The following ZFP41 variants were observed in gnomAD, a reference collection of about 807,000 sequenced individuals.
ZFP41 encodes ZFP41 zinc finger protein.
In ZFP41, 10 loss-of-function variants were observed where a neutral mutation model predicts 11.6. That is an observed-to-expected ratio of 0.86 (90% confidence interval 0.53 to 1.47). The LOEUF is 1.47. Ranked by LOEUF, ZFP41 falls within the 40% of genes most tolerant of loss-of-function variation. The probability of loss-of-function intolerance (pLI) is 0.00; values close to 1 mark genes in which losing one functional copy is unlikely to be tolerated. For missense variants in ZFP41, 302 were observed against 264.6 expected, an observed-to-expected ratio of 1.14 and a Z score of -0.98; for synonymous variants, 123 against 100.9, an observed-to-expected ratio of 1.22 and a Z score of -1.31.
At chr8:143,249,035 C>T (rs924804088) in intron 1 of ZFP41, 1 of 152,246 alleles carries the variant, frequency 6.6e-6, no homozygotes, top group East Asian at 1.9e-4. Flanking sequence ...TGCATATCAG[C>T]TCCACTTTCT....
intron 1 of ZFP41, 184 bp downstream of exon 1, chr8:143,247,326 A>C (rs1816711950): frequency 2.0e-5 from 3 of 152,282 alleles, no homozygotes; most frequent in Admixed American, 6.5e-5. Context: ...TGCCGTTGAA[A>C]GGAGAGCCTC....
rs1815026180 is a variant in ZFP41, at chr8:143,261,101, GAC to G, written c.*2231_*2232del. 6.6e-6 allele frequency: 1 copy of G among 152,274 alleles called. No individual in the cohort carries two copies. The highest frequency in any genetic ancestry group is 2.4e-5 in the African/African-American group (1 of 41,430). 9.4% of individuals were successfully genotyped at this position (152,274 alleles called of 1,614,324 possible). A position where few individuals can be genotyped will look rare whatever the true frequency, so the allele number is the denominator to read the frequency against. ...TTGTCTGGGCCTCTGTTTCCTCTTC[GAC>G]ACAGGGAAGCAGGGAGGGGCCGATC... On this transcript the variant is annotated 3_prime_UTR_variant, in exon 3 of 3. Transcript: ENST00000330701.
intron 2 of ZFP41, among the ~76,000 whole-genome samples, chr8:143,254,008 C>T (rs1814845952): frequency 6.6e-6 from 1 of 152,128 alleles, no homozygotes; most frequent in Non-Finnish European, 1.5e-5. Context: ...GTTCGTGGTC[C>T]AGTGAGAATC....
chr8:143,251,194 G>A lies in ZFP41; in HGVS notation c.*754G>A, dbSNP rs1398631717. The A allele has an allele frequency of 6.0e-6, 1 of 167,316 alleles. No individual in the cohort carries two copies. Among genetic ancestry groups the A allele is most frequent in the African/African-American group, 2.4e-5 (1 of 41,476 alleles). The allele number at this position is 167,316 out of a possible 1,614,324, so 10.4% of individuals were successfully genotyped here. A position where few individuals can be genotyped will look rare whatever the true frequency, so the allele number is the denominator to read the frequency against. On this transcript the variant is annotated 3_prime_UTR_variant, in exon 2 of 3. Transcript: ENST00000330701. ...GGGACAAAGGTTCCTCAGGACCTTG[G>A]ACACCACCACCTGCTGAGCTTCCCG...
At chr8:143,255,410 T>A (rs774250309) in intron 2 of ZFP41, among the ~76,000 whole-genome samples, 9 of 152,072 alleles carry the variant, frequency 5.9e-5, no homozygotes, top group Non-Finnish European at 1.0e-4. Context: ...CTGGTGTTAG[T>A]GAGATCAGAG....
At chr8:143,249,546 G>A (rs568528123) in intron 1 of ZFP41, 144 bp from the exon 2 acceptor site, 7 of 293,142 alleles carry the variant, frequency 2.4e-5, no homozygotes, top group African/African-American at 1.5e-4. Context: ...CCGGGAGAGA[G>A]TCAGGTGGGG....
chr8:143,257,339 A>G (rs1272921658), intron 2 of ZFP41, among the ~76,000 whole-genome samples: 3 of 152,234 alleles, frequency 2.0e-5, no homozygotes, highest in Non-Finnish European at 4.4e-5. Flanking sequence ...CTAAAAATAC[A>G]GAAGAAAATT....
chr8:143,256,593 T>G, intron 2 of ZFP41, among the ~76,000 whole-genome samples: 1 of 152,210 alleles, frequency 6.6e-6, no homozygotes, highest in East Asian at 1.9e-4. Context: ...GATACATTTT[T>G]GGGGCCAGAT....
chr8:143,256,087 G>T (rs1359641205), intron 2 of ZFP41, among the ~76,000 whole-genome samples: 1 of 59,374 alleles, frequency 1.7e-5, no homozygotes, highest in East Asian at 3.9e-4. Context: ...GCTGGTGTTA[G>T]TGAGATCAGG....
chr8:143,253,507 C>T (rs1036123232), intron 2 of ZFP41: 1 of 152,186 alleles, frequency 6.6e-6, no homozygotes, highest in South Asian at 2.1e-4. Flanking sequence ...AGGTCCCCAC[C>T]CTGCTGTGTA....
rs1417280360 is a variant in ZFP41, at chr8:143,260,794, A to C, written c.*1920A>C. 1 of 177,838 alleles carries C rather than the reference A, an allele frequency of 5.6e-6. No individual in the cohort carries two copies. The highest frequency in any genetic ancestry group is 2.5e-5 in the African/African-American group (1 of 40,632). The allele number at this position is 177,838 out of a possible 1,614,324, so 11.0% of individuals were successfully genotyped here. A position where few individuals can be genotyped will look rare whatever the true frequency, so the allele number is the denominator to read the frequency against. ...GGGCACCATCCTCCCAGCCCCACTC[A>C]GCTGCCCTGACCAGCGGGCACCATC... On this transcript the variant is annotated 3_prime_UTR_variant, in exon 3 of 3. Transcript: ENST00000330701.
rs1816773315 is a variant in ZFP41, at chr8:143,250,157, A to ATC, written c.315_316dup (p.Gln106LeufsTer55). 1.9e-6 allele frequency: 3 copies of ATC among 1,614,066 alleles called. No homozygotes were observed. The highest frequency in any genetic ancestry group is 1.6e-4 in the Middle Eastern group (1 of 6,084). On this transcript the variant is annotated frameshift_variant, in exon 2 of 3. Coordinates refer to ENST00000330701, the MANE Select transcript of ZFP41 (RefSeq NM_173832.6). LOFTEE classifies it high-confidence loss of function. ...AAGCACAAGACAGACCACATTCGCC[A>ATC]TCAGAGGGTCCACACTGGAGAGAAG... is the stretch of plus-strand genomic sequence containing the variant.
chr8:143,248,798 C>G (rs187710212), intron 1 of ZFP41, among the ~76,000 whole-genome samples: 2 of 152,330 alleles, frequency 1.3e-5, no homozygotes, highest in South Asian at 2.1e-4. Flanking sequence ...TCCTCCCACA[C>G]GCCACCTCTA....
Position 143,250,601 on chromosome 8 carries a change from C to A in ZFP41, c.*161C>A. On this transcript the variant is annotated 3_prime_UTR_variant, in exon 2 of 3. Transcript: ENST00000330701. Reference sequence around the variant, plus strand: ...AAAGCAGCCCAGTCAGATGTGGGAACGTGCCAGCGAGGGAGAGACCTTTCC... The same window carrying A: ...AAAGCAGCCCAGTCAGATGTGGGAAAGTGCCAGCGAGGGAGAGACCTTTCC... The A allele has an allele frequency of 1.7e-6, 2 of 1,194,378 alleles. No homozygotes were observed. The highest frequency in any genetic ancestry group is 1.5e-5 in the African/African-American group (1 of 64,714). The allele number at this position is 1,194,378 out of a possible 1,614,324, so 74.0% of individuals were successfully genotyped here.
intron 2 of ZFP41, among the ~76,000 whole-genome samples, 165 bp from the exon 3 acceptor site, chr8:143,259,610 C>G (rs1007932068): frequency 4.8e-5 from 7 of 147,026 alleles, no homozygotes; most frequent in Non-Finnish European, 7.5e-5. Flanking sequence ...GATCTTGAGG[C>G]CCCCCCGCCC....
At chr8:143,253,823 CTTG>C (rs2130712758) in intron 2 of ZFP41, among the ~76,000 whole-genome samples, 1 of 152,222 alleles carries the variant, frequency 6.6e-6, no homozygotes, top group South Asian at 2.1e-4. Context: ...CACTGGAGAG[CTTG>C]TTGTTTAAAG....
intron 2 of ZFP41, among the ~76,000 whole-genome samples, chr8:143,258,676 G>T (rs1814968577): frequency 6.6e-6 from 1 of 152,094 alleles, no homozygotes; most frequent in Non-Finnish European, 1.5e-5. Context: ...AGGAGTTCAA[G>T]ACCAGCCTGA....
At chr8:143,248,924 G>A (rs1198508725) in intron 1 of ZFP41, among the ~76,000 whole-genome samples, 1 of 152,228 alleles carries the variant, frequency 6.6e-6, no homozygotes, top group Non-Finnish European at 1.5e-5. Context: ...GTGAGTTTAT[G>A]TGTTACCTGC....
chr8:143,250,748 G>T lies in ZFP41; in HGVS notation c.*308G>T. 1 of 447,764 alleles carries T rather than the reference G, an allele frequency of 2.2e-6. No homozygotes were observed. The allele number at this position is 447,764 out of a possible 1,614,324, so 27.7% of individuals were successfully genotyped here. A position where few individuals can be genotyped will look rare whatever the true frequency, so the allele number is the denominator to read the frequency against. Reference sequence around the variant, plus strand: ...AACGGGGCTCAGCACCAGAGACCAGGGAGTATTCACTGCCATCCATTGGAC... The same window carrying T: ...AACGGGGCTCAGCACCAGAGACCAGTGAGTATTCACTGCCATCCATTGGAC... On this transcript the variant is annotated 3_prime_UTR_variant, in exon 2 of 3. Transcript: ENST00000330701.
Sources: gnomAD v4.1 joint callset for allele counts (sites outside exome capture counted in the v4.1 genomes callset) on GRCh38, gnomAD v4.1.1 for gene constraint, MANE v1.5 for transcripts, NCBI Gene and HGNC (gene_info 2026-07-23, HGNC 2026-07-21) for gene names.